PRRG2: variants seen among roughly 807,000 people sequenced by gnomAD.
The protein encoded by PRRG2 is transmembrane gamma-carboxyglutamic acid protein 2.
A neutral mutation model predicts 27.1 loss-of-function variants in PRRG2; 23 were observed. That is an observed-to-expected ratio of 0.85 (90% CI 0.61 to 1.20). The LOEUF (loss-of-function observed/expected upper bound fraction) is 1.20. PRRG2 is among the 50% of genes most tolerant of loss of function. The pLI is 0.00. For synonymous variants in PRRG2, 104 were observed against 103.4 expected (o/e 1.01, Z -0.03); for missense variants, 276 against 254.8 (o/e 1.08, Z -0.57).
In PRRG2 at chr19:49,588,555, C is replaced by G; in HGVS notation, c.360C>G (p.Leu120=). Residue 120 remains leucine, a synonymous_variant, in exon 5 of 7, where the codon CTC becomes CTG. Transcript: ENST00000246794. The part of the protein sequence containing the change: ...LAVGLTGGIL[L]IVLAGLGAFW... ...TGGGGCTGACAGGTGGCATCCTGCT[C>G]ATTGTCCTGGCCGGCCTGGGAGCCT... The G allele has an allele frequency of 6.4e-7, 1 of 1,571,596 alleles. No homozygotes were observed. The highest frequency in any genetic ancestry group is 8.6e-7 in the Non-Finnish European group (1 of 1,158,578).
Position 49,583,715 on chromosome 19 carries a change from A to G in PRRG2, c.259A>G (p.Thr87Ala), listed in dbSNP as rs1347411295. ...AREYFEDNTL[T>A]ERFWESYIYN... Reference sequence around the variant, plus strand: ...GGAGTATTTTGAGGACAACACTCTCACGGTGAGGGCCTCGAGACCCTGGAG... The same window carrying G: ...GGAGTATTTTGAGGACAACACTCTCGCGGTGAGGGCCTCGAGACCCTGGAG... Residue 87 changes from threonine (T) to alanine (A), a missense_variant and splice_region_variant, in exon 3 of 7, where the codon ACG becomes GCG. Physicochemically the swap from Thr to Ala is moderately conservative, Grantham distance 58. Coordinates refer to ENST00000246794, the MANE Select transcript of PRRG2 (RefSeq NM_000951.3). 2 of 1,613,634 alleles carry G rather than the reference A, an allele frequency of 1.2e-6. No individual in the cohort carries two copies. Among genetic ancestry groups the G allele is most frequent in the African/African-American group, 1.3e-5 (1 of 74,906 alleles).
rs1568418910 is a variant in PRRG2, at chr19:49,590,374, CAGG to C, written c.598_600del (p.Arg200del). 2 of 1,614,150 alleles carry C rather than the reference CAGG, an allele frequency of 1.2e-6. No homozygotes were observed. The highest frequency in any genetic ancestry group is 1.3e-5 in the African/African-American group (1 of 75,032). On this transcript the variant is annotated inframe_deletion, in exon 7 of 7. Transcript: ENST00000246794. ...TAGTGTGCCTTTCCTCTTGCAGCCT[CAGG>C]AGGCCTCACTGAAGAGCTGCTTTCG...
intron 1 of PRRG2, among the ~76,000 whole-genome samples, 177 bp from the exon 2 acceptor site, chr19:49,583,030 C>CAAAA (rs112161078): frequency 4.2e-5 from 5 of 119,878 alleles, no homozygotes; most frequent in African/African-American, 1.5e-4. Flanking sequence ...GACTCCATGT[C>CAAAA]AAAAAAAAAA....
At chr19:49,589,448 A>T (rs866911616) in intron 5 of PRRG2, among the ~76,000 whole-genome samples, 12 of 144,312 alleles carry the variant, frequency 8.3e-5, no homozygotes, top group South Asian at 2.2e-4. Flanking sequence ...TTTTTTTTTA[A>T]AAAAAGACAA....
chr19:49,588,548 T>A lies in PRRG2; in HGVS notation c.353T>A (p.Ile118Asn). 1 of 1,575,486 alleles carries A rather than the reference T, an allele frequency of 6.3e-7. No homozygotes were observed. The highest frequency in any genetic ancestry group is 2.3e-5 in the East Asian group (1 of 42,950). ...ASLAVGLTGG[I>N]LLIVLAGLGA... is the part of the protein sequence containing the mutation. ...CTGGCTGTGGGGCTGACAGGTGGCA[T>A]CCTGCTCATTGTCCTGGCCGGCCTG... is the stretch of plus-strand genomic sequence containing the variant. Residue 118 changes from isoleucine to asparagine, a missense_variant, in exon 5 of 7, where the codon ATC (isoleucine) becomes AAC (asparagine). Coordinates refer to ENST00000246794, the MANE Select transcript of PRRG2 (RefSeq NM_000951.3).
intron 4 of PRRG2, among the ~76,000 whole-genome samples, chr19:49,586,363 A>C (rs947434036): frequency 6.7e-6 from 1 of 148,584 alleles, no homozygotes; most frequent in Non-Finnish European, 1.5e-5. Flanking sequence ...CTGGAATTAC[A>C]AGTGTGAGCC....
At position 49,589,888 on chromosome 19, in the gene PRRG2, T is replaced by G. The variant is rs936733585; in HGVS notation, c.438-12T>G. 13 of 1,613,352 alleles carry G rather than the reference T, an allele frequency of 8.1e-6. No homozygotes were observed. Among genetic ancestry groups the G allele is most frequent in the Non-Finnish European group, 1.1e-5 (13 of 1,179,854 alleles). On this transcript the variant is annotated splice_polypyrimidine_tract_variant and intron_variant, in intron 5 of 6. Transcript: ENST00000246794. ...AAGTTGCCTCTGCTAACTGTACCTT[T>G]GCTGTCCCCAGGGCCGGGCTCATTA... is the stretch of plus-strand genomic sequence containing the variant.
chr19:49,589,233 T>A (rs2080695853), intron 5 of PRRG2, among the ~76,000 whole-genome samples: 1 of 151,226 alleles, frequency 6.6e-6, no homozygotes, highest in Non-Finnish European at 1.5e-5. Context: ...GTTCAAGTGA[T>A]TCTCCTGCCT....
At chr19:49,581,574 G>A (rs919185028) in intron 1 of PRRG2, 93 bp downstream of exon 1, 2 of 146,346 alleles carry the variant, frequency 1.4e-5, no homozygotes, top group Admixed American at 6.6e-5. Context: ...GGGGCTCCTA[G>A]GCCCAGGAGT....
intron 4 of PRRG2, 124 bp downstream of exon 4, chr19:49,584,076 C>A (rs1462460182): frequency 1.9e-6 from 2 of 1,047,008 alleles, no homozygotes; most frequent in Admixed American, 3.0e-5. Context: ...ATTCTGTGCT[C>A]TCTGAAGCTG....
rs775393122 is a variant in PRRG2, at chr19:49,583,560, C to T, written c.104C>T (p.Pro35Leu). 4 of 1,614,044 alleles carry T rather than the reference C, an allele frequency of 2.5e-6. No homozygotes were observed. In the Admixed American group the frequency reaches 5.0e-5, roughly 20 times the overall value. Residue 35 changes from proline to leucine, a missense_variant, in exon 3 of 7, where the codon CCA becomes CTA. By Grantham distance (98) the Pro-to-Leu change is moderately conservative (BLOSUM62 -3). Transcript: ENST00000246794. The stretch of plus-strand genomic sequence containing the variant: ...GGTCCAGAAGTCTTCCTGGGTCCCC[C>T]AGAGGCCCAGAGCTTCCTGAGTAGC... ...ETDQEVFLGP[P>L]EAQSFLSSHT...
rs1453079672 is a variant in PRRG2, at chr19:49,583,530, C to G, written c.86-12C>G. The G allele has an allele frequency of 1.2e-6, 2 of 1,613,504 alleles. No individual in the cohort carries two copies. The highest frequency in any genetic ancestry group is 1.7e-6 in the Non-Finnish European group (2 of 1,179,738). The stretch of plus-strand genomic sequence containing the variant: ...CCCTCCATTTTTCTGTCCCTCATGT[C>G]TTTGGGTCCAGAAGTCTTCCTGGGT... On this transcript the variant is annotated splice_polypyrimidine_tract_variant and intron_variant, in intron 2 of 6. Transcript: ENST00000246794.
chr19:49,581,732 T>C (rs1459692267), intron 1 of PRRG2, among the ~76,000 whole-genome samples: 1 of 152,108 alleles, frequency 6.6e-6, no homozygotes, highest in African/African-American at 2.4e-5. Flanking sequence ...AAGGGAAGAC[T>C]CCAGATCACC....
Position 49,590,010 on chromosome 19 carries a change from C to T in PRRG2, c.548C>T (p.Ala183Val), listed in dbSNP as rs768821218. Residue 183 changes from alanine to valine, a missense_variant, in exon 6 of 7, where the codon GCA (alanine) becomes GTA (valine). By Grantham distance (64) the Ala-to-Val change is moderately conservative. Transcript: ENST00000246794. ...PGLPTYEQAL[A>V]ASGVHDAPPP... ...CTCCCCACCTATGAGCAGGCGCTGG[C>T]AGCCTCTGGGGTACACGACGCACCT... 6.5e-7 allele frequency: 1 copy of T among 1,532,040 alleles called. No individual in the cohort carries two copies. The highest frequency in any genetic ancestry group is 1.2e-5 in the South Asian group (1 of 83,786). 94.9% of individuals were successfully genotyped at this position (1,532,040 alleles called of 1,614,324 possible).
At chr19:49,589,645 T>G (rs2080699620) in intron 5 of PRRG2, among the ~76,000 whole-genome samples, 1 of 151,600 alleles carries the variant, frequency 6.6e-6, no homozygotes, top group Non-Finnish European at 1.5e-5. Context: ...TGCACATGAG[T>G]GTGTCTGAAT....
intron 6 of PRRG2, 96 bp from the exon 7 acceptor site, chr19:49,590,275 T>G: frequency 6.4e-7 from 1 of 1,573,256 alleles, no homozygotes; most frequent in South Asian, 1.1e-5. Flanking sequence ...GGTCCTGGAT[T>G]GGCTGAGACG....
intron 4 of PRRG2, among the ~76,000 whole-genome samples, chr19:49,586,000 A>C (rs2080666089): frequency 1.3e-5 from 2 of 148,294 alleles, no homozygotes; most frequent in African/African-American, 5.1e-5. Flanking sequence ...GAATCGTTTG[A>C]ACCCAGGAGC....
Position 49,583,731 on chromosome 19 carries a change from G to A in PRRG2, c.261+14G>A. On this transcript the variant is annotated intron_variant, in intron 3 of 6. Coordinates refer to ENST00000246794, the MANE Select transcript of PRRG2 (RefSeq NM_000951.3). ...AACACTCTCACGGTGAGGGCCTCGA[G>A]ACCCTGGAGTTTCGGGCCCTCTCTC... The A allele has an allele frequency of 6.2e-7, 1 of 1,612,958 alleles. No homozygotes were observed. The highest frequency in any genetic ancestry group is 8.5e-7 in the Non-Finnish European group (1 of 1,179,238).
intron 5 of PRRG2, among the ~76,000 whole-genome samples, chr19:49,588,945 C>T (rs1314816821): frequency 6.6e-6 from 1 of 151,952 alleles, no homozygotes; most frequent in Non-Finnish European, 1.5e-5. Flanking sequence ...GAGGCTGCGA[C>T]GGTGCAGCCT....
Sources: gnomAD v4.1 joint callset for allele counts (sites outside exome capture counted in the v4.1 genomes callset) on GRCh38, gnomAD v4.1.1 for gene constraint, MANE v1.5 for transcripts, NCBI Gene and HGNC (gene_info 2026-07-23, HGNC 2026-07-21) for gene names.